Variants in PTPRN2 observed in about 807,000 individuals in gnomAD.
PTPRN2 encodes the protein protein tyrosine phosphatase receptor type N2.
Under a neutral mutation model 118.8 loss-of-function variants are expected in PTPRN2, and 74 were observed. The ratio of observed to expected loss-of-function variants is 0.62; its 90% CI spans 0.52 to 0.76. PTPRN2 has a LOEUF of 0.76. Among genes scored for constraint, PTPRN2 ranks in the 30% least tolerant of loss-of-function variants. PTPRN2 has a pLI of 0.00. For synonymous variants in PTPRN2, 641 were observed against 608.0 expected (o/e 1.05, Z -0.80); for missense variants, 1,481 against 1,394.4 (o/e 1.06, Z -0.99).
chr7:157,910,373 G>C (rs1480407134), intron 11 of PTPRN2, among the ~76,000 whole-genome samples: 1 of 138,404 alleles, frequency 7.2e-6, no homozygotes, highest in Admixed American at 7.3e-5. Context: ...ACGTACGCCG[G>C]ATCACGCACG....
chr7:157,861,447 C>G lies in PTPRN2; in HGVS notation c.1788+37226G>C, dbSNP rs1335019925. 1.3e-5 allele frequency among the ~76,000 whole-genome samples: 2 copies of G among 152,228 alleles called. No individual in the cohort carries two copies. Among genetic ancestry groups the G allele is most frequent in the Non-Finnish European group, 2.9e-5 (2 of 68,040 alleles). ...ACATGCAGCTGGTGATGCCCTGTGG[C>G]ATCTGCCTCCTGCCCTCGGACATGC... On this transcript the variant is annotated intron_variant, in intron 12 of 22. Coordinates refer to ENST00000389418, the MANE Select transcript of PTPRN2 (RefSeq NM_002847.5). The surrounding 1 kb of genome is among the most constrained non-coding windows in gnomAD (Gnocchi z 5.8).
At chr7:157,791,828 G>GC (rs1454206214) in intron 12 of PTPRN2, among the ~76,000 whole-genome samples, 1 of 152,218 alleles carries the variant, frequency 6.6e-6, no homozygotes, top group Non-Finnish European at 1.5e-5. Flanking sequence ...GGAGGGTATC[G>GC]CACCTACAGC....
intron 1 of PTPRN2, among the ~76,000 whole-genome samples, chr7:158,522,184 CG>C (rs747384933): frequency 3.6e-4 from 28 of 77,372 alleles, no homozygotes; most frequent in Non-Finnish European, 5.6e-4. Flanking sequence ...GGTACTGGCT[CG>C]GGAGGGAGGT....
chr7:158,146,390 C>T (rs975402129), intron 6 of PTPRN2, among the ~76,000 whole-genome samples: 4 of 152,144 alleles, frequency 2.6e-5, no homozygotes, highest in Non-Finnish European at 4.4e-5. Flanking sequence ...CTGTATTGGG[C>T]ATCTATTGTG....
chr7:157,833,308 T>C (rs1807701511), intron 12 of PTPRN2, among the ~76,000 whole-genome samples: 1 of 147,872 alleles, frequency 6.8e-6, no homozygotes, highest in Non-Finnish European at 1.5e-5. Flanking sequence ...ATCCATCCTG[T>C]ATGACGGTGA....
chr7:157,672,917 C>A (rs1221887966), intron 13 of PTPRN2, among the ~76,000 whole-genome samples: 1 of 152,234 alleles, frequency 6.6e-6, no homozygotes, highest in East Asian at 1.9e-4. Context: ...GAGGCGCACA[C>A]TAGCACAGAC....
chr7:158,397,730 A>C (rs992230950), intron 2 of PTPRN2, among the ~76,000 whole-genome samples: 1 of 152,168 alleles, frequency 6.6e-6, no homozygotes. Flanking sequence ...CCCTGCAGAG[A>C]AGATGCCTTG....
rs947195337 is a variant in PTPRN2 at position 158,372,611 on chromosome 7, C to T, written c.164-55679G>A. On this transcript the variant is annotated intron_variant, in intron 2 of 22. Coordinates refer to ENST00000389418, the MANE Select transcript of PTPRN2 (RefSeq NM_002847.5). The stretch of plus-strand genomic sequence containing the variant: ...AACACTGGTCCCTAGAGCTGGTCCC[C>T]ACCACGCTGGTCCCCGGAGCTGGTC... Among the ~76,000 whole-genome samples the T allele has an allele frequency of 1.6e-4, 25 of 151,834 alleles. 1 individual carries two copies. The South Asian group carries it at 2.3e-3, about 14-fold the overall frequency.
At chr7:157,897,263 C>T (rs1797182307) in intron 12 of PTPRN2, among the ~76,000 whole-genome samples, 1 of 152,180 alleles carries the variant, frequency 6.6e-6, no homozygotes, top group African/African-American at 2.4e-5. Flanking sequence ...GACATCACAT[C>T]TTCCACATGC....
chr7:158,270,759 T>C (rs1229946118), intron 3 of PTPRN2, among the ~76,000 whole-genome samples: 1 of 146,294 alleles, frequency 6.8e-6, no homozygotes, highest in Non-Finnish European at 1.5e-5. Flanking sequence ...CTTCTCCACC[T>C]GGACCACCCC....
chr7:157,571,919 T>C (rs1391683414), intron 19 of PTPRN2, among the ~76,000 whole-genome samples: 1 of 152,254 alleles, frequency 6.6e-6, no homozygotes, highest in Non-Finnish European at 1.5e-5. Context: ...AGACATCATA[T>C]TGAAAACTGT....
intron 1 of PTPRN2, among the ~76,000 whole-genome samples, chr7:158,495,031 A>C: frequency 6.6e-6 from 1 of 151,700 alleles, no homozygotes; most frequent in Non-Finnish European, 1.5e-5. Context: ...GTCCCCCTCT[A>C]CAGCCTTAAA....
At chr7:158,095,698 A>C (rs1309411745) in intron 10 of PTPRN2, among the ~76,000 whole-genome samples, 1 of 152,198 alleles carries the variant, frequency 6.6e-6, no homozygotes, top group Non-Finnish European at 1.5e-5. Flanking sequence ...TGATTGAGCA[A>C]TACAGACTGA....
intron 6 of PTPRN2, among the ~76,000 whole-genome samples, chr7:158,149,712 G>T (rs1266581185): frequency 1.3e-5 from 2 of 151,838 alleles, no homozygotes; most frequent in Non-Finnish European, 1.5e-5. Flanking sequence ...GCTAAGGCAG[G>T]AGAATTGCTT....
chr7:158,112,429 G>A (rs1156509542), intron 9 of PTPRN2, among the ~76,000 whole-genome samples: 1 of 152,204 alleles, frequency 6.6e-6, no homozygotes, highest in African/African-American at 2.4e-5. Flanking sequence ...CAGCTGGGTG[G>A]ACATGGCCTG....
chr7:158,377,203 G>T (rs1810607735), intron 2 of PTPRN2, among the ~76,000 whole-genome samples: 1 of 107,640 alleles, frequency 9.3e-6, no homozygotes, highest in African/African-American at 3.7e-5. Context: ...CTGAGAGGGG[G>T]GTCAGGGGAC....
At chr7:158,326,775 A>G (rs1397235548) in intron 2 of PTPRN2, among the ~76,000 whole-genome samples, 1 of 123,402 alleles carries the variant, frequency 8.1e-6, no homozygotes, top group Non-Finnish European at 1.8e-5. Context: ...ACACATGCTC[A>G]CACACTCACA....
At position 157,949,267 on chromosome 7, in the gene PTPRN2, C is replaced by T. The variant is rs1028562398; in HGVS notation, c.1724-50530G>A. Among the ~76,000 whole-genome samples, 17 of 152,190 alleles carry T rather than the reference C, an allele frequency of 1.1e-4. 1 individual carries two copies. The highest frequency in any genetic ancestry group is 4.1e-4 in the African/African-American group (17 of 41,436). ...TGGTGAAAATGTTACATACAGGTGG[C>T]AGTTGCACAATGTTGTGAATGTACC... is the stretch of plus-strand genomic sequence containing the variant. On this transcript the variant is annotated intron_variant, in intron 11 of 22. Coordinates refer to ENST00000389418, the MANE Select transcript of PTPRN2 (RefSeq NM_002847.5).
At chr7:157,978,252 A>G (rs894437788) in intron 11 of PTPRN2, among the ~76,000 whole-genome samples, 2 of 151,914 alleles carry the variant, frequency 1.3e-5, no homozygotes, top group African/African-American at 4.8e-5. Context: ...CTGCTTCTCA[A>G]ACAGCTCCCG....
Sources: gnomAD v4.1 joint callset for allele counts (sites outside exome capture counted in the v4.1 genomes callset) on GRCh38, gnomAD v4.1.1 for gene constraint, Gnocchi (gnomAD v3.1) non-coding constraint, MANE v1.5 for transcripts, NCBI Gene and HGNC (gene_info 2026-07-23, HGNC 2026-07-21) for gene names.